The following CAPRIN2 variants were observed in gnomAD, a reference collection of about 807,000 sequenced individuals.
CAPRIN2 encodes caprin-2.
In CAPRIN2, 66 loss-of-function variants were observed where a neutral mutation model predicts 130.4. The observed-to-expected ratio is 0.51, with a 90% CI of 0.42 to 0.62. The LOEUF is 0.62. Ranked by LOEUF, CAPRIN2 falls within the 20% of genes least tolerant of loss-of-function variation. The pLI, the probability that CAPRIN2 is intolerant of heterozygous loss-of-function variation, is 0.00. For missense variants in CAPRIN2, 1,185 were observed against 1,246.6 expected (o/e 0.95, Z 0.74); for synonymous variants, 471 against 444.1 (o/e 1.06, Z -0.76).
At chr12:30,716,482 C>G in intron 13 of CAPRIN2, 26 bp downstream of exon 15, 1 of 1,607,368 alleles carries the variant, frequency 6.2e-7, no homozygotes, top group Non-Finnish European at 8.5e-7. Flanking sequence ...TCTAAGTCTT[C>G]CAAATATCAT....
intron 8 of CAPRIN2, 161 bp downstream of exon 9, chr12:30,728,487 G>A (rs1231499234): frequency 1.2e-5 from 7 of 588,910 alleles, no homozygotes; most frequent in African/African-American, 7.5e-5. Context: ...TCCAGGAGGC[G>A]GAGGTTACAG....
At chr12:30,732,662 G>T in intron 5 of CAPRIN2, among the ~76,000 whole-genome samples, 1 of 151,808 alleles carries the variant, frequency 6.6e-6, no homozygotes, top group African/African-American at 2.4e-5. Flanking sequence ...TTTATGTCTG[G>T]CTTCTTTCAC....
chr12:30,729,492 T>C (rs912849301), intron 7 of CAPRIN2, among the ~76,000 whole-genome samples, 167 bp from the exon 9 acceptor site: 4 of 152,204 alleles, frequency 2.6e-5, no homozygotes, highest in Non-Finnish European at 5.9e-5. Context: ...CTTTCCTACT[T>C]TCCTACTTTT....
exon 6 of CAPRIN2, chr12:30,731,369 G>A (rs769334815): frequency 4.3e-6 from 7 of 1,612,714 alleles, no homozygotes; most frequent in South Asian, 2.2e-5. Context: ...TTCAGTCTTC[G>A]ATAATTGTGT....
In CAPRIN2 at chr12:30,710,623, T is replaced by C; in HGVS notation, c.2666-153A>G. 2 of 1,204,198 alleles carry C rather than the reference T, an allele frequency of 1.7e-6. No homozygotes were observed. Among genetic ancestry groups the C allele is most frequent in the Non-Finnish European group, 2.3e-6 (2 of 886,932 alleles). 74.6% of individuals were successfully genotyped at this position (1,204,198 alleles called of 1,614,324 possible). On this transcript the variant is annotated intron_variant, in intron 16 of 16. Coordinates refer to ENST00000298892, the Ensembl canonical transcript of CAPRIN2. This position sits in a 1 kb window ranked among gnomAD's most constrained non-coding sequence, Gnocchi z 4.8. ...TATAGCTAGATTATACTTTTCTAGA[T>C]TTTTCTGGTAATAGGTTTTTACATA...
chr12:30,747,619 G>A (rs2071305778), intron 2 of CAPRIN2, among the ~76,000 whole-genome samples: 1 of 151,860 alleles, frequency 6.6e-6, no homozygotes, highest in Non-Finnish European at 1.5e-5. Context: ...GGAGGTTGCG[G>A]TGAGCCGAGA....
intron 2 of CAPRIN2, among the ~76,000 whole-genome samples, chr12:30,741,976 A>G (rs1473653169): frequency 6.6e-6 from 1 of 152,150 alleles, no homozygotes; most frequent in Non-Finnish European, 1.5e-5. Flanking sequence ...AAACCAATGA[A>G]ATACTGATAC....
intron 9 of CAPRIN2, among the ~76,000 whole-genome samples, chr12:30,725,741 T>C (rs1424438945): frequency 6.6e-6 from 1 of 152,182 alleles, no homozygotes; most frequent in East Asian, 1.9e-4. Context: ...TTAATTCATT[T>C]TTTTTTGTTC....
chr12:30,727,856 C>G (rs1214879367), intron 8 of CAPRIN2, among the ~76,000 whole-genome samples: 1 of 152,146 alleles, frequency 6.6e-6, no homozygotes, highest in East Asian at 1.9e-4. Context: ...ATATCTGCAA[C>G]CACCATAAAC....
At chr12:30,753,194 A>G (rs2074831240) in intron 1 of CAPRIN2, 150 bp downstream of exon 2, 2 of 630,252 alleles carry the variant, frequency 3.2e-6, no homozygotes, top group East Asian at 5.1e-5. Context: ...AATGTTTAAT[A>G]TTTCCAACAC....
chr12:30,746,940 G>C (rs1592290519), intron 2 of CAPRIN2, among the ~76,000 whole-genome samples: 1 of 152,224 alleles, frequency 6.6e-6, no homozygotes, highest in Non-Finnish European at 1.5e-5. Context: ...CCTATTGGAA[G>C]AAAGTGCCAT....
At chr12:30,750,989 A>C in intron 2 of CAPRIN2, 82 bp downstream of exon 3, 1 of 1,004,128 alleles carries the variant, frequency 1.0e-6, no homozygotes, top group Non-Finnish European at 1.6e-6. Context: ...GTGTGCTATA[A>C]AGACTGATCG....
At chr12:30,737,239 A>G (rs953944773) in intron 3 of CAPRIN2, among the ~76,000 whole-genome samples, 1 of 151,862 alleles carries the variant, frequency 6.6e-6, no homozygotes, top group Non-Finnish European at 1.5e-5. Flanking sequence ...CCTGAACTCA[A>G]GCAATCCTCC....
chr12:30,729,605 T>C (rs554012150), intron 7 of CAPRIN2, among the ~76,000 whole-genome samples: 1 of 152,338 alleles, frequency 6.6e-6, no homozygotes, highest in South Asian at 2.1e-4. Flanking sequence ...ATTGCTTGAT[T>C]CGGATTCTTC....
intron 3 of CAPRIN2, among the ~76,000 whole-genome samples, chr12:30,736,663 C>T (rs1165166610): frequency 6.6e-6 from 1 of 152,162 alleles, no homozygotes; most frequent in East Asian, 1.9e-4. Context: ...GAGAAATAGA[C>T]TGGTTGAAGG....
chr12:30,723,843 T>TC (rs2060130670), intron 10 of CAPRIN2, among the ~76,000 whole-genome samples: 1 of 152,232 alleles, frequency 6.6e-6, no homozygotes, highest in Non-Finnish European at 1.5e-5. Flanking sequence ...ACACCAATCT[T>TC]CAAGCTGGTA....
intron 14 of CAPRIN2, among the ~76,000 whole-genome samples, chr12:30,714,603 A>C (rs2056788679): frequency 6.6e-6 from 1 of 152,230 alleles, no homozygotes; most frequent in Non-Finnish European, 1.5e-5. Context: ...GACATAATCT[A>C]ACAAATAACT....
rs1241180071 is a variant in CAPRIN2, at chr12:30,719,008, AT to A, written c.2148+1802del. On this transcript the variant is annotated intron_variant, in intron 12 of 16. Coordinates refer to ENST00000298892, the Ensembl canonical transcript of CAPRIN2. ...CAAACTTTTCACATAGTATCCAATA[AT>A]TATGTAAGAGAAACAATGGCTTTTA... 9.9e-6 allele frequency: 15 copies of A among 1,509,892 alleles called. No homozygotes were observed. The Admixed American group carries it at 2.6e-4, about 26-fold the overall frequency. 93.5% of individuals were successfully genotyped at this position (1,509,892 alleles called of 1,614,324 possible).
chr12:30,712,858 C>T (rs1172105484), intron 15 of CAPRIN2, among the ~76,000 whole-genome samples: 1 of 150,552 alleles, frequency 6.6e-6, no homozygotes, highest in Non-Finnish European at 1.5e-5. Context: ...TCTCCTGCCT[C>T]AGCCTCCTGA....
Sources: gnomAD v4.1 joint callset for allele counts (sites outside exome capture counted in the v4.1 genomes callset) on GRCh38, gnomAD v4.1.1 for gene constraint, Gnocchi (gnomAD v3.1) non-coding constraint, MANE v1.5 for transcripts, NCBI Gene and HGNC (gene_info 2026-07-23, HGNC 2026-07-21) for gene names.